CCDC77: variants seen among roughly 807,000 people sequenced by gnomAD.
CCDC77 encodes the protein coiled-coil domain-containing protein 77.
A neutral mutation model predicts 66.8 loss-of-function variants in CCDC77; 56 were observed. The observed-to-expected ratio is 0.84, with a 90% confidence interval of 0.68 to 1.05. The LOEUF is 1.05. Among genes scored for constraint, CCDC77 ranks in the 50% least tolerant of loss-of-function variants. The pLI is 0.00. For missense variants in CCDC77, 570 were observed against 576.8 expected, an observed-to-expected ratio of 0.99 and a Z score of 0.12; for synonymous variants, 196 against 195.2, an observed-to-expected ratio of 1.00 and a Z score of -0.03.
At chr12:428,676 A>T (rs1945583509) in intron 5 of CCDC77, 93 bp from the exon 6 acceptor site, 7 of 611,590 alleles carry the variant, frequency 1.1e-5, no homozygotes, top group Non-Finnish European at 1.4e-5. Flanking sequence ...CAATTGTTTT[A>T]AAAAAAAAAT....
chr12:396,261 G>A (rs1393057617), intron 1 of CCDC77, among the ~76,000 whole-genome samples: 9 of 151,964 alleles, frequency 5.9e-5, no homozygotes, highest in Non-Finnish European at 1.5e-5. Flanking sequence ...GTGTGGTGGT[G>A]GGTGCCTGTA....
At chr12:416,405 A>ATATATATATG (rs1945283100) in intron 4 of CCDC77, among the ~76,000 whole-genome samples, 1 of 54,336 alleles carries the variant, frequency 1.8e-5, no homozygotes, top group East Asian at 5.5e-4. Context: ...ATATATATAT[A>ATATATATATG]TATATATATA....
Position 438,537 on chromosome 12 carries a change from C to T in CCDC77, c.1024C>T (p.Gln342Ter). 6.2e-7 allele frequency: 1 copy of T among 1,610,880 alleles called. No homozygotes were observed. The highest frequency in any genetic ancestry group is 8.5e-7 in the Non-Finnish European group (1 of 1,177,596). The change falls in exon 10 of 13, where the codon CAA (glutamine) becomes TAA (stop). Residue 342 changes from glutamine to a stop codon, truncating the protein, a stop_gained. Coordinates refer to ENST00000239830, the MANE Select transcript of CCDC77 (RefSeq NM_032358.4). LOFTEE classifies it high-confidence loss of function. ...CGTTATGCATGAGAGTCACCATGCT[C>T]AAAGTGAATATATTAAGGTAATGTC... ...LPVMHESHHA[Q>*]SEYIKSLKDK...
intron 5 of CCDC77, 114 bp downstream of exon 5, chr12:418,750 A>T: frequency 8.5e-7 from 1 of 1,177,266 alleles, no homozygotes; most frequent in Non-Finnish European, 1.2e-6. Context: ...CCCAGGCTGG[A>T]GTACAGTGGC....
At chr12:435,779 C>T (rs1303106018) in intron 9 of CCDC77, among the ~76,000 whole-genome samples, 1 of 152,194 alleles carries the variant, frequency 6.6e-6, no homozygotes, top group Non-Finnish European at 1.5e-5. Context: ...TACCCTGTTG[C>T]CCAGGCTGGA....
intron 9 of CCDC77, among the ~76,000 whole-genome samples, chr12:434,805 A>G (rs1945717960): frequency 6.6e-6 from 1 of 152,172 alleles, no homozygotes. Flanking sequence ...TCTTCTACCT[A>G]TCTAACCCCT....
At chr12:390,021 A>T (rs1042796878) in intron 1 of CCDC77, 2 of 150,326 alleles carry the variant, frequency 1.3e-5, no homozygotes, top group African/African-American at 4.9e-5. Context: ...AGCTACCTGC[A>T]GGACATCTCA....
At chr12:423,135 T>TTA (rs1344940178) in intron 5 of CCDC77, among the ~76,000 whole-genome samples, 3 of 134,198 alleles carry the variant, frequency 2.2e-5, no homozygotes, top group Non-Finnish European at 3.1e-5. Flanking sequence ...TTTTTTTTTT[T>TTA]TTTGAGACAG....
At chr12:426,481 C>T (rs970312640) in intron 5 of CCDC77, among the ~76,000 whole-genome samples, 4 of 152,190 alleles carry the variant, frequency 2.6e-5, no homozygotes, top group African/African-American at 9.7e-5. Flanking sequence ...TTCATAAGGA[C>T]CTCCACCTCT....
At chr12:391,892 C>T (rs4980816) in intron 1 of CCDC77, among the ~76,000 whole-genome samples, 5,392 of 152,288 alleles carry the variant, frequency 0.035, 436 homozygotes, top group East Asian at 0.31. Flanking sequence ...ATCTCTGGTG[C>T]GAACAGAAGA....
At position 442,143 on chromosome 12, in the gene CCDC77, G is replaced by T; in HGVS notation, c.*223G>T. 1 of 510,438 alleles carries T rather than the reference G, an allele frequency of 2.0e-6. No individual in the cohort carries two copies. The highest frequency in any genetic ancestry group is 3.5e-6 in the Non-Finnish European group (1 of 286,380). The allele number at this position is 510,438 out of a possible 1,614,324, so 31.6% of individuals were successfully genotyped here. ...TCCTTTTAACACTTGCGAGGAGTAGGGGCCTGGTCCTGAATGACTTGGAGG... is the reference window on the plus strand; with the variant it reads ...TCCTTTTAACACTTGCGAGGAGTAGTGGCCTGGTCCTGAATGACTTGGAGG... On this transcript the variant is annotated 3_prime_UTR_variant, in exon 13 of 13. Coordinates refer to ENST00000239830, the MANE Select transcript of CCDC77 (RefSeq NM_032358.4).
intron 12 of CCDC77, 104 bp downstream of exon 12, chr12:441,100 T>G: frequency 4.2e-6 from 5 of 1,192,514 alleles, no homozygotes; most frequent in Non-Finnish European, 4.8e-6. Flanking sequence ...TCCCTGCTGG[T>G]AAACACTAAC....
At position 406,011 on chromosome 12, in the gene CCDC77, C is replaced by T. The variant is rs974328981; in HGVS notation, c.-17+447C>T. Among the ~76,000 whole-genome samples, 4 of 151,548 alleles carry T rather than the reference C, an allele frequency of 2.6e-5. No homozygotes were observed. The East Asian group carries it at 5.8e-4, about 22-fold the overall frequency. ...ATGGCTCACTGCAGCCTTGATCCCC[C>T]GGTGCAGGCGATCCTCCTACCTCGG... On this transcript the variant is annotated intron_variant, in intron 2 of 12. Coordinates refer to ENST00000239830, the MANE Select transcript of CCDC77 (RefSeq NM_032358.4).
intron 9 of CCDC77, among the ~76,000 whole-genome samples, chr12:434,437 C>T (rs919268993): frequency 6.6e-6 from 1 of 151,950 alleles, no homozygotes; most frequent in Middle Eastern, 3.4e-3. Context: ...CCTGCAACCG[C>T]TGCCTCCCAG....
intron 4 of CCDC77, among the ~76,000 whole-genome samples, chr12:415,429 T>TTAA (rs1591972374): frequency 2.1e-5 from 3 of 144,656 alleles, no homozygotes; most frequent in Non-Finnish European, 4.5e-5. Flanking sequence ...ATTAACATAA[T>TTAA]TAACATAATA....
chr12:438,124 T>C (rs1463818262), intron 9 of CCDC77, among the ~76,000 whole-genome samples: 1 of 152,194 alleles, frequency 6.6e-6, no homozygotes, highest in East Asian at 1.9e-4. Context: ...GACCAGTCTA[T>C]GAACCAGTGA....
chr12:428,947 C>A, intron 6 of CCDC77, 82 bp downstream of exon 6: 1 of 804,602 alleles, frequency 1.2e-6, no homozygotes, highest in Non-Finnish European at 2.0e-6. Flanking sequence ...ACTTTAGTAT[C>A]CGCTGGAGAA....
chr12:436,157 G>A (rs1384982816), intron 9 of CCDC77, among the ~76,000 whole-genome samples: 3 of 129,002 alleles, frequency 2.3e-5, no homozygotes, highest in East Asian at 2.3e-4. Flanking sequence ...TCGCTGTGTC[G>A]TCCAGGCTGG....
At chr12:390,467 C>T (rs113834105) in intron 1 of CCDC77, among the ~76,000 whole-genome samples, 10 of 152,292 alleles carry the variant, frequency 6.6e-5, no homozygotes, top group African/African-American at 2.4e-4. Context: ...TGATTTTTCT[C>T]ACCTCTGAGT....
Sources: gnomAD v4.1 joint callset for allele counts (sites outside exome capture counted in the v4.1 genomes callset) on GRCh38, gnomAD v4.1.1 for gene constraint, MANE v1.5 for transcripts, NCBI Gene and HGNC (gene_info 2026-07-23, HGNC 2026-07-21) for gene names.